The following C12orf76 variants were observed in gnomAD, a reference collection of about 807,000 sequenced individuals.
C12orf76 encodes chromosome 12 open reading frame 76, also known as uncharacterized protein C12orf76.
A neutral mutation model predicts 6.8 loss-of-function variants in C12orf76; 6 were observed. The observed-to-expected ratio is 0.88, with a 90% CI of 0.48 to 1.73. The LOEUF (loss-of-function observed/expected upper bound fraction) is 1.73, where lower values mean the gene tolerates loss of function less well. C12orf76 is among the 40% of genes most tolerant of loss of function. The pLI is 0.01. For missense variants in C12orf76, 99 were observed against 98.2 expected (o/e 1.01, Z -0.03); for synonymous variants, 56 against 43.7 (o/e 1.28, Z -1.11).
chr12:110,042,422 A>G lies in C12orf76; in HGVS notation c.171T>C (p.Thr57=), dbSNP rs1892338539. The G allele has an allele frequency of 6.2e-7, 1 of 1,614,174 alleles. No individual in the cohort carries two copies. Among genetic ancestry groups the G allele is most frequent in the Non-Finnish European group, 8.5e-7 (1 of 1,179,964 alleles). The part of the protein sequence containing the change: ...MGTIFSILLV[T]VILMAFCVYK... ...AGACACAAAATGCCATAAGGATGAC[A>G]GTCACCAGCAGGATGCTGAAAATGG... Residue 57 remains threonine, a synonymous_variant, in exon 2 of 2, where the codon ACT becomes ACC. Coordinates refer to ENST00000615315, the MANE Select transcript of C12orf76 (RefSeq NM_001389625.1).
In C12orf76 at chr12:110,066,128, T is replaced by G. The variant is rs577579750; in HGVS notation, n.207-95A>C. On this transcript the variant is annotated intron_variant and non_coding_transcript_variant, in intron 1 of 4. Transcript: ENST00000309050. ...CAGGCCGGGCGCGGTAGCTCACAAT[T>G]TGGGAGGCCGAGGCAGGCGGATCAC... 9.5e-6 allele frequency: 13 copies of G among 1,365,392 alleles called. No individual in the cohort carries two copies. In the African/African-American group the frequency reaches 1.6e-4, roughly 17 times the overall value. The allele number at this position is 1,365,392 out of a possible 1,614,324, so 84.6% of individuals were successfully genotyped here. A position where few individuals can be genotyped will look rare whatever the true frequency, so the allele number is the denominator to read the frequency against.
At chr12:110,070,949 A>G (rs1388393200), upstream of C12orf76, among the ~76,000 whole-genome samples, 3 of 152,090 alleles carry the variant, frequency 2.0e-5, no homozygotes. Flanking sequence ...TAGCTTTTGT[A>G]TTTTTAGTAA....
At chr12:110,064,190 T>C (rs573826069) in intron 2 of C12orf76, among the ~76,000 whole-genome samples, 1 of 152,262 alleles carries the variant, frequency 6.6e-6, no homozygotes, top group South Asian at 2.1e-4. Context: ...GGGCAATACT[T>C]CCCTCTATTC....
chr12:110,068,256 G>GAAGAAGAA (rs1555253379), upstream of C12orf76, among the ~76,000 whole-genome samples: 22 of 65,742 alleles, frequency 3.3e-4, no homozygotes, highest in Non-Finnish European at 3.6e-4. Flanking sequence ...GAAAGAAGAA[G>GAAGAAGAA]AAGAAGAAGA....
chr12:110,048,012 C>A (rs1236250337), intron 1 of C12orf76, among the ~76,000 whole-genome samples: 1 of 152,036 alleles, frequency 6.6e-6, no homozygotes, highest in Non-Finnish European at 1.5e-5. Flanking sequence ...ACCAGCCTGG[C>A]CAACATAGTG....
At position 110,042,279 on chromosome 12, in the gene C12orf76, CAAGTA is replaced by C. The variant is rs1352853054; in HGVS notation, c.*90_*94del. On this transcript the variant is annotated 3_prime_UTR_variant, in exon 2 of 2. Transcript: ENST00000615315. The stretch of plus-strand genomic sequence containing the variant: ...AACTGTCCAGACCAAAGGTCATTTC[CAAGTA>C]GGAAAGTTTTGGTTCCAACTTCTCC... 6 of 943,720 alleles carry C rather than the reference CAAGTA, an allele frequency of 6.4e-6. No individual in the cohort carries two copies. In the African/African-American group the frequency reaches 9.6e-5, roughly 15 times the overall value. 58.5% of individuals were successfully genotyped at this position (943,720 alleles called of 1,614,324 possible).
At chr12:110,048,275 T>G in intron 1 of C12orf76, 88 bp downstream of exon 1, 1 of 1,394,938 alleles carries the variant, frequency 7.2e-7, no homozygotes, top group South Asian at 1.5e-5. Flanking sequence ...CTCTATCCCC[T>G]GTCCGCTCCG....
At chr12:110,058,881 C>T in intron 3 of C12orf76, 8 of 1,302,314 alleles carry the variant, frequency 6.1e-6, no homozygotes, top group Non-Finnish European at 8.2e-6. Context: ...GCCAACCACT[C>T]TTCTAAGTCT....
At chr12:110,042,749 CGAG>C (rs1566070885) in intron 1 of C12orf76, 1 of 614,256 alleles carries the variant, frequency 1.6e-6, no homozygotes, top group Non-Finnish European at 2.9e-6. Flanking sequence ...AGGAAGCATC[CGAG>C]GAGGAGACTC....
intron 1 of C12orf76, chr12:110,066,120 C>A: frequency 7.2e-7 from 1 of 1,387,490 alleles, no homozygotes. Flanking sequence ...GGCGCGGTAG[C>A]TCACAATTTG....
At chr12:110,068,310 GAAGAA>G (rs1892912809), upstream of C12orf76, among the ~76,000 whole-genome samples, 1 of 145,924 alleles carries the variant, frequency 6.9e-6, no homozygotes, top group African/African-American at 2.5e-5. Flanking sequence ...AGAAGAAGAA[GAAGAA>G]GAAGAAGAAG....
At chr12:110,067,114 C>A (rs1409172851) in intron 1 of C12orf76, among the ~76,000 whole-genome samples, 1 of 152,190 alleles carries the variant, frequency 6.6e-6, no homozygotes, top group Non-Finnish European at 1.5e-5. Context: ...AGAATGCAAC[C>A]ATCTTTTATT....
At position 110,042,213 on chromosome 12, in the gene C12orf76, T is replaced by C. The variant is rs533579661; in HGVS notation, c.*161A>G. Reference sequence around the variant, plus strand: ...GCGCTACAGTGTTAGGAAAAAATAATGTCTAGTACATGTTTTCTTCTAATT... The same window carrying C: ...GCGCTACAGTGTTAGGAAAAAATAACGTCTAGTACATGTTTTCTTCTAATT... On this transcript the variant is annotated 3_prime_UTR_variant, in exon 2 of 2. Coordinates refer to ENST00000615315, the MANE Select transcript of C12orf76 (RefSeq NM_001389625.1). 25 of 612,960 alleles carry C rather than the reference T, an allele frequency of 4.1e-5. No individual in the cohort carries two copies. In the African/African-American group the frequency reaches 4.4e-4, roughly 11 times the overall value. 38.0% of individuals were successfully genotyped at this position (612,960 alleles called of 1,614,324 possible).
chr12:110,059,816 A>C (rs966395413), intron 2 of C12orf76, among the ~76,000 whole-genome samples: 2 of 152,178 alleles, frequency 1.3e-5, no homozygotes, highest in African/African-American at 4.8e-5. Flanking sequence ...GAGACATAGT[A>C]GCAGTGTGCA....
chr12:110,059,115 C>T, exon 3 of C12orf76: 5 of 1,551,184 alleles, frequency 3.2e-6, no homozygotes, highest in South Asian at 1.2e-5. Context: ...CTCTTAAATG[C>T]TATGGTAAAT....
At chr12:110,068,310 GAAGAAGAAGAA>G (rs1892912849), upstream of C12orf76, among the ~76,000 whole-genome samples, 2 of 145,924 alleles carry the variant, frequency 1.4e-5, no homozygotes, top group Non-Finnish European at 3.1e-5. Flanking sequence ...AGAAGAAGAA[GAAGAAGAAGAA>G]GAAGAAGAAG....
intron 4 of C12orf76, chr12:110,057,014 G>A: frequency 1.7e-6 from 1 of 603,550 alleles, no homozygotes; most frequent in Non-Finnish European, 3.0e-6. Flanking sequence ...AAGTCTGGAT[G>A]AGGAGGAGCC....
chr12:110,063,379 G>A (rs955279279), intron 2 of C12orf76, among the ~76,000 whole-genome samples: 4 of 151,850 alleles, frequency 2.6e-5, no homozygotes, highest in Admixed American at 6.6e-5. Flanking sequence ...TGCCTCCCGG[G>A]GTCAAGCGAT....
At chr12:110,043,436 A>G (rs1892368920) in intron 1 of C12orf76, among the ~76,000 whole-genome samples, 1 of 152,174 alleles carries the variant, frequency 6.6e-6, no homozygotes, top group African/African-American at 2.4e-5. Context: ...GGGGAGCAAG[A>G]GAGCAGGATG....
Sources: allele counts gnomAD v4.1 joint callset (sites outside exome capture counted in the v4.1 genomes callset), GRCh38; gene constraint gnomAD v4.1.1; transcripts MANE v1.5; gene names NCBI Gene and HGNC (gene_info 2026-07-23, HGNC 2026-07-21).